The following RCE1 variants were observed in gnomAD, a reference collection of about 807,000 sequenced individuals.
RCE1 encodes Ras converting CAAX endopeptidase 1, also known as CAAX prenyl protease 2.
In RCE1, 15 loss-of-function variants were observed where a neutral mutation model predicts 35.0. The ratio of observed to expected loss-of-function variants is 0.43; its 90% CI spans 0.29 to 0.66. The LOEUF (loss-of-function observed/expected upper bound fraction) is 0.66. RCE1 is among the 30% of genes least tolerant of loss of function. The probability of loss-of-function intolerance (pLI) is 0.17; values close to 1 mark genes in which losing one functional copy is unlikely to be tolerated. For synonymous variants in RCE1, 261 were observed against 192.7 expected (o/e 1.35, Z -2.94); for missense variants, 434 against 433.0 (o/e 1.00, Z -0.02).
At chr11:66,844,466 A>C in intron 4 of RCE1, 102 bp downstream of exon 4, 35 of 1,458,256 alleles carry the variant, frequency 2.4e-5, no homozygotes, top group Non-Finnish European at 3.3e-5. Flanking sequence ...GTGAAATGTC[A>C]TCTCTCTGGG....
Position 66,843,598 on chromosome 11 carries a change from C to G in RCE1, c.143C>G (p.Ser48Cys), listed in dbSNP as rs189678026. Residue 48 changes from serine (S) to cysteine (C), a missense_variant, in exon 1 of 8, where the codon TCC (serine) becomes TGC (cysteine). Coordinates refer to ENST00000309657, the MANE Select transcript of RCE1 (RefSeq NM_005133.3). ...TTCTCCTGCCTCAGCCTCGCCTGCT[C>G]CTACGTGGGCAGCCTCTACGTCTGG... is the stretch of plus-strand genomic sequence containing the variant. ...SVFSCLSLACSYVGSLYVWKS... is the reference protein window; with the variant it reads ...SVFSCLSLACCYVGSLYVWKS... 2.5e-4 allele frequency: 397 copies of G among 1,593,526 alleles called. 2 individuals are homozygous for G. Among genetic ancestry groups the G allele is most frequent in the Middle Eastern group, 1.0e-3 (6 of 5,910 alleles).
At position 66,846,173 on chromosome 11, in the gene RCE1, T is replaced by C; in HGVS notation, c.*78T>C. 2 of 1,488,462 alleles carry C rather than the reference T, an allele frequency of 1.3e-6. No individual in the cohort carries two copies. Among genetic ancestry groups the C allele is most frequent in the Non-Finnish European group, 1.8e-6 (2 of 1,122,746 alleles). The allele number at this position is 1,488,462 out of a possible 1,614,324, so 92.2% of individuals were successfully genotyped here. A position where few individuals can be genotyped will look rare whatever the true frequency, so the allele number is the denominator to read the frequency against. On this transcript the variant is annotated 3_prime_UTR_variant, in exon 8 of 8. Transcript: ENST00000309657. ...CCAAGGGGTACTGCAGGGGAAGGGC[T>C]GGCTGGGGTCCCCGAGATCTCAGGA...
intron 6 of RCE1, 53 bp from the exon 7 acceptor site, chr11:66,845,447 T>C (rs2135771160): frequency 1.2e-6 from 2 of 1,613,202 alleles, no homozygotes; most frequent in Non-Finnish European, 1.7e-6. Flanking sequence ...GTATGTAGTG[T>C]GGGGGCAGGA....
chr11:66,844,392 T>C (rs770319569), intron 4 of RCE1, 28 bp downstream of exon 4: 1 of 1,613,722 alleles, frequency 6.2e-7, no homozygotes, highest in Non-Finnish European at 8.5e-7. Context: ...AAGGGAAAAG[T>C]AGGCACAGGC....
chr11:66,846,039 C>CGGGA lies in RCE1; in HGVS notation c.934_935insGGGA (p.Pro312ArgfsTer58). 1 of 1,613,754 alleles carries CGGGA rather than the reference C, an allele frequency of 6.2e-7. No homozygotes were observed. Among genetic ancestry groups the CGGGA allele is most frequent in the Non-Finnish European group, 8.5e-7 (1 of 1,180,014 alleles). The stretch of plus-strand genomic sequence containing the variant: ...GGACCCCAAGCTCTACGGCAGCCTT[C>CGGGA]CCCTTTGTGTGCTTTTGGAGCGGGC... On this transcript the variant is annotated frameshift_variant, in exon 8 of 8. Transcript: ENST00000309657. LOFTEE classifies it high-confidence loss of function.
intron 3 of RCE1, 97 bp downstream of exon 3, chr11:66,844,136 C>G: frequency 6.3e-7 from 1 of 1,596,214 alleles, no homozygotes; most frequent in Non-Finnish European, 8.6e-7. Flanking sequence ...TGATGGGAGA[C>G]AGGACTTTTG....
chr11:66,843,516 C>A lies in RCE1; in HGVS notation c.61C>A (p.Pro21Thr). ...LLSVSRPERPPESAALGGLGP... is the reference protein window; with the variant it reads ...LLSVSRPERPTESAALGGLGP... ...GTCGGTGTCGCGGCCGGAGCGGCCGCCCGAGTCGGCGGCGCTGGGCGGCCT... is the reference window on the plus strand; with the variant it reads ...GTCGGTGTCGCGGCCGGAGCGGCCGACCGAGTCGGCGGCGCTGGGCGGCCT... Residue 21 changes from proline to threonine, a missense_variant, in exon 1 of 8, where the codon CCC (proline) becomes ACC (threonine). By Grantham distance (38) the Pro-to-Thr change is conservative. Coordinates refer to ENST00000309657, the MANE Select transcript of RCE1 (RefSeq NM_005133.3). The A allele has an allele frequency of 1.3e-6, 2 of 1,498,640 alleles. No homozygotes were observed. Among genetic ancestry groups the A allele is most frequent in the Middle Eastern group, 4.4e-4 (2 of 4,594 alleles). 92.8% of individuals were successfully genotyped at this position (1,498,640 alleles called of 1,614,324 possible).
In RCE1 at chr11:66,846,082, C is replaced by CCCTGTGCTCCTGA. The variant is rs1945205176; in HGVS notation, c.981_*3dup. 1 of 1,609,224 alleles carries CCCTGTGCTCCTGA rather than the reference C, an allele frequency of 6.2e-7. No homozygotes were observed. The highest frequency in any genetic ancestry group is 8.5e-7 in the Non-Finnish European group (1 of 1,178,582). On this transcript the variant is annotated stop_gained and frameshift_variant, in exon 8 of 8. Transcript: ENST00000309657. LOFTEE classifies it high-confidence loss of function. ...GAGCGGGCAGGGGACTCAGAGGCTC[C>CCCTGTGCTCCTGA]CCTGTGCTCCTGACCTATGCTCCTG...
rs888359182 is a variant in RCE1 at position 66,845,616 on chromosome 11, A to G, written c.754+54A>G. On this transcript the variant is annotated intron_variant, in intron 7 of 7. Transcript: ENST00000309657. ...GGGGGCCCACAGGAGCGGGTGGGAG[A>G]ATGGGAATACTGTTTGTTCTAGGAA... 10 of 1,610,824 alleles carry G rather than the reference A, an allele frequency of 6.2e-6. No homozygotes were observed. The Admixed American group carries it at 1.7e-4, about 27-fold the overall frequency.
intron 3 of RCE1, 93 bp downstream of exon 3, chr11:66,844,132 G>A: frequency 6.3e-7 from 1 of 1,598,658 alleles, no homozygotes; most frequent in Non-Finnish European, 8.6e-7. Context: ...TGGTTGATGG[G>A]AGACAGGACT....
At chr11:66,844,741 C>G in intron 4 of RCE1, 128 bp from the exon 5 acceptor site, 1 of 1,313,352 alleles carries the variant, frequency 7.6e-7, no homozygotes. Context: ...CACCCCCGTC[C>G]TCAGCAGTAT....
rs199569722 is a variant in RCE1 at position 66,844,406 on chromosome 11, C to T, written c.451+42C>T. On this transcript the variant is annotated intron_variant, in intron 4 of 7. Coordinates refer to ENST00000309657, the MANE Select transcript of RCE1 (RefSeq NM_005133.3). ...GAAGGGAAAAGTAGGCACAGGCAGT[C>T]CAGGACATTGGGGCAGGGAGTCAGC... 2.5e-5 allele frequency: 41 copies of T among 1,611,324 alleles called. No homozygotes were observed. The East Asian group carries it at 8.9e-4, about 35-fold the overall frequency.
chr11:66,844,896 C>G lies in RCE1; in HGVS notation c.479C>G (p.Thr160Arg). 6.4e-7 allele frequency: 1 copy of G among 1,566,816 alleles called. No individual in the cohort carries two copies. Among genetic ancestry groups the G allele is most frequent in the South Asian group, 1.2e-5 (1 of 82,754 alleles). ...LAPRSWARCL[T>R]DMRWLRNQVI... ...CCCCGCTCCTGGGCCCGCTGCCTCA[C>G]AGACATGCGTTGGCTGCGGAACCAA... The change falls in exon 5 of 8, where the codon ACA becomes AGA. Residue 160 changes from threonine to arginine, a missense_variant. Thr to Arg is a moderately conservative substitution (Grantham distance 71, BLOSUM62 -1). Coordinates refer to ENST00000309657, the MANE Select transcript of RCE1 (RefSeq NM_005133.3).
intron 4 of RCE1, 110 bp downstream of exon 4, chr11:66,844,474 G>A: frequency 1.4e-6 from 2 of 1,424,484 alleles, no homozygotes; most frequent in Non-Finnish European, 2.0e-6. Flanking sequence ...TCATCTCTCT[G>A]GGTGTGTTTT....
Position 66,843,964 on chromosome 11 carries a change from A to C in RCE1, c.297A>C (p.Thr99=). ...WRELTGIQPG[T]SLLTLMGFRL... ...CCTTTCCTGTGGCTCAGCCAGGCAC[A>C]TCCCTGCTCACCCTGATGGGCTTCA... is the stretch of plus-strand genomic sequence containing the variant. Residue 99 remains threonine, a synonymous_variant, in exon 3 of 8, where the codon ACA becomes ACC. Coordinates refer to ENST00000309657, the MANE Select transcript of RCE1 (RefSeq NM_005133.3). 1 of 1,614,150 alleles carries C rather than the reference A, an allele frequency of 6.2e-7. No homozygotes were observed. Among genetic ancestry groups the C allele is most frequent in the African/African-American group, 1.3e-5 (1 of 75,046 alleles).
chr11:66,846,300 G>A lies in RCE1; in HGVS notation c.*205G>A, dbSNP rs894649383. 1.9e-4 allele frequency: 113 copies of A among 605,186 alleles called. No homozygotes were observed. Among genetic ancestry groups the A allele is most frequent in the Admixed American group, 3.7e-4 (10 of 27,260 alleles). The allele number at this position is 605,186 out of a possible 1,614,324, so 37.5% of individuals were successfully genotyped here. A position where few individuals can be genotyped will look rare whatever the true frequency, so the allele number is the denominator to read the frequency against. ...AGCCCCTTTTGAAAGGGGTGTTTAC[G>A]AGCAGCTGTGAGTGAGGGGACAAGG... is the stretch of plus-strand genomic sequence containing the variant. On this transcript the variant is annotated 3_prime_UTR_variant, in exon 8 of 8. Coordinates refer to ENST00000309657, the MANE Select transcript of RCE1 (RefSeq NM_005133.3).
chr11:66,843,939 C>T lies in RCE1; in HGVS notation c.289-17C>T, dbSNP rs775365434. The T allele has an allele frequency of 6.2e-7, 1 of 1,614,104 alleles. No individual in the cohort carries two copies. The highest frequency in any genetic ancestry group is 1.1e-5 in the South Asian group (1 of 91,086). On this transcript the variant is annotated splice_polypyrimidine_tract_variant and intron_variant, in intron 2 of 7. Coordinates refer to ENST00000309657, the MANE Select transcript of RCE1 (RefSeq NM_005133.3). Reference sequence around the variant, plus strand: ...AGGGGAGGAAGCAAAACTGATGCCCCCTTTCCTGTGGCTCAGCCAGGCACA... The same window carrying T: ...AGGGGAGGAAGCAAAACTGATGCCCTCTTTCCTGTGGCTCAGCCAGGCACA...
In RCE1 at chr11:66,844,927, C is replaced by T. The variant is rs1945175908; in HGVS notation, c.510C>T (p.Ile170=). Reference sequence around the variant, plus strand: ...TGCGTTGGCTGCGGAACCAAGTGATCGCCCCGCTGACAGAGGAGCTGGTGT... The same window carrying T: ...TGCGTTGGCTGCGGAACCAAGTGATTGCCCCGCTGACAGAGGAGCTGGTGT... ...TDMRWLRNQV[I]APLTEELVFR... Residue 170 remains isoleucine (I), a synonymous_variant, in exon 5 of 8, where the codon ATC becomes ATT. Coordinates refer to ENST00000309657, the MANE Select transcript of RCE1 (RefSeq NM_005133.3). The T allele has an allele frequency of 3.1e-6, 5 of 1,601,996 alleles. No individual in the cohort carries two copies. In the South Asian group the frequency reaches 3.4e-5, roughly 11 times the overall value.
rs1945207028 is a variant in RCE1 at position 66,846,214 on chromosome 11, T to A, written c.*119T>A. Reference sequence around the variant, plus strand: ...GATCTCAGGAATTTTTGTAGGGGATTGAAGCCAGAGCTAGTTGCGTCCCAG... The same window carrying A: ...GATCTCAGGAATTTTTGTAGGGGATAGAAGCCAGAGCTAGTTGCGTCCCAG... On this transcript the variant is annotated 3_prime_UTR_variant, in exon 8 of 8. Transcript: ENST00000309657. 3.1e-6 allele frequency: 4 copies of A among 1,300,036 alleles called. 1 individual carries two copies. The South Asian group carries it at 6.0e-5, about 19-fold the overall frequency. 80.5% of individuals were successfully genotyped at this position (1,300,036 alleles called of 1,614,324 possible). A position where few individuals can be genotyped will look rare whatever the true frequency, so the allele number is the denominator to read the frequency against.
Sources: allele counts gnomAD v4.1 joint callset, GRCh38; gene constraint gnomAD v4.1.1; transcripts MANE v1.5; gene names NCBI Gene and HGNC (gene_info 2026-07-23, HGNC 2026-07-21).